Variants in DTL observed in about 807,000 individuals in gnomAD.
The protein encoded by DTL is denticleless E3 ubiquitin protein ligase adapter.
A neutral mutation model predicts 87.0 loss-of-function variants in DTL; 46 were observed. The ratio of observed to expected loss-of-function variants is 0.53; its 90% CI spans 0.42 to 0.68. DTL has a LOEUF of 0.68. Ranked by LOEUF, DTL falls within the 30% of genes least tolerant of loss-of-function variation. The pLI is 0.00. For synonymous variants in DTL, 308 were observed against 311.2 expected (o/e 0.99, Z 0.11); for missense variants, 737 against 869.4 (o/e 0.85, Z 1.91).
chr1:212,044,584 CAG>C, intron 2 of DTL, 74 bp from the exon 3 acceptor site: 1 of 868,682 alleles, frequency 1.2e-6, no homozygotes, highest in Non-Finnish European at 1.8e-6. Context: ...GTCTGGGTGA[CAG>C]AGCAAGACTC....
At chr1:212,065,694 C>CA (rs1558079762) in intron 7 of DTL, among the ~76,000 whole-genome samples, 2 of 152,148 alleles carry the variant, frequency 1.3e-5, no homozygotes, top group Non-Finnish European at 2.9e-5. Flanking sequence ...TTTCGTAATA[C>CA]AAACTACAGA....
chr1:212,077,478 T>C (rs17656453), intron 11 of DTL: 46,884 of 152,208 alleles, frequency 0.31, 8,905 homozygotes, highest in Middle Eastern at 0.43. Context: ...AACTGAAATA[T>C]AGTTTTAGAG....
At chr1:212,094,030 A>G (rs532124205) in intron 13 of DTL, among the ~76,000 whole-genome samples, 5 of 152,204 alleles carry the variant, frequency 3.3e-5, no homozygotes, top group East Asian at 3.9e-4. Flanking sequence ...GATTGTGAAG[A>G]CTTTCTCCCA....
rs948702569 is a variant in DTL at position 212,065,038 on chromosome 1, T to C, written c.639+9T>C. 39 of 1,582,706 alleles carry C rather than the reference T, an allele frequency of 2.5e-5. No homozygotes were observed. In the East Asian group the frequency reaches 8.7e-4, roughly 35 times the overall value. ...GACTTGCTCCTTCTGTGGTAAGGTTTTACAGATGTATACATGTGTGCAGAT... is the reference window on the plus strand; with the variant it reads ...GACTTGCTCCTTCTGTGGTAAGGTTCTACAGATGTATACATGTGTGCAGAT... On this transcript the variant is annotated intron_variant, in intron 7 of 14. Transcript: ENST00000366991.
chr1:212,059,582 C>G (rs1668278223), intron 5 of DTL, among the ~76,000 whole-genome samples: 1 of 152,012 alleles, frequency 6.6e-6, no homozygotes, highest in Non-Finnish European at 1.5e-5. Context: ...TCGAAAAAAG[C>G]TGGAAGCCTT....
chr1:212,068,151 C>T, intron 8 of DTL, 73 bp from the exon 9 acceptor site: 1 of 908,560 alleles, frequency 1.1e-6, no homozygotes, highest in Admixed American at 2.5e-5. Flanking sequence ...AAAGTCATTT[C>T]ACATTTAGTG....
At chr1:212,039,396 A>G (rs1419184418) in intron 1 of DTL, among the ~76,000 whole-genome samples, 2 of 152,180 alleles carry the variant, frequency 1.3e-5, no homozygotes, top group East Asian at 1.9e-4. Context: ...TTGATACCCA[A>G]AAGTTTTTAT....
At chr1:212,067,170 AGC>A (rs1326171329) in intron 8 of DTL, among the ~76,000 whole-genome samples, 2 of 152,256 alleles carry the variant, frequency 1.3e-5, no homozygotes, top group Non-Finnish European at 2.9e-5. Context: ...CTGGCTGGGT[AGC>A]TTGCTTGCCT....
chr1:212,075,594 T>C (rs2014029), intron 11 of DTL, among the ~76,000 whole-genome samples: 10,875 of 152,214 alleles, frequency 0.071, 1,120 homozygotes, highest in East Asian at 0.54. Context: ...CTTGAAGTAG[T>C]CATACTATAC....
chr1:212,081,913 T>C (rs1351160486), intron 13 of DTL, among the ~76,000 whole-genome samples: 2 of 152,078 alleles, frequency 1.3e-5, no homozygotes, highest in Non-Finnish European at 2.9e-5. Flanking sequence ...CAGGGAGGCA[T>C]TTCGATGTTT....
intron 5 of DTL, among the ~76,000 whole-genome samples, chr1:212,056,685 A>G (rs1334440577): frequency 6.6e-6 from 1 of 152,178 alleles, no homozygotes; most frequent in African/African-American, 2.4e-5. Flanking sequence ...ATGATCCAAC[A>G]TACTGATACT....
chr1:212,093,526 T>C (rs1655349599), intron 13 of DTL, among the ~76,000 whole-genome samples: 1 of 152,196 alleles, frequency 6.6e-6, no homozygotes. Flanking sequence ...GAAATGGCTT[T>C]CCCCTGGAGT....
intron 14 of DTL, 110 bp from the exon 15 acceptor site, chr1:212,102,732 A>T: frequency 1.4e-6 from 1 of 695,594 alleles, no homozygotes; most frequent in Non-Finnish European, 2.5e-6. Context: ...AGCTGAAAGC[A>T]GGCTAAACAA....
At chr1:212,082,063 T>C (rs997252876) in intron 13 of DTL, among the ~76,000 whole-genome samples, 13 of 152,246 alleles carry the variant, frequency 8.5e-5, no homozygotes, top group Middle Eastern at 3.4e-3. Context: ...CAAATACCAT[T>C]AAAGCCTACT....
chr1:212,047,441 C>T, intron 5 of DTL, 24 bp downstream of exon 5: 1 of 1,613,978 alleles, frequency 6.2e-7, no homozygotes. Flanking sequence ...TATCTTCTTT[C>T]ATCTCCTTAA....
intron 3 of DTL, 104 bp from the exon 4 acceptor site, chr1:212,047,047 T>G: frequency 2.1e-6 from 2 of 973,794 alleles, no homozygotes; most frequent in East Asian, 5.0e-5. Flanking sequence ...GATCAACTAC[T>G]GATCTTTTTA....
intron 3 of DTL, among the ~76,000 whole-genome samples, chr1:212,045,591 C>G (rs906527251): frequency 6.6e-6 from 1 of 152,024 alleles, no homozygotes; most frequent in Non-Finnish European, 1.5e-5. Flanking sequence ...AGAAAGAAAA[C>G]ACACTGGTGT....
At chr1:212,051,955 G>T (rs544363255) in intron 5 of DTL, 1 of 930,772 alleles carries the variant, frequency 1.1e-6, no homozygotes, top group Non-Finnish European at 1.7e-6. Flanking sequence ...TTTCTAAAAG[G>T]CCTAGAGAAC....
chr1:212,053,557 G>GTA (rs1668063858), intron 5 of DTL, among the ~76,000 whole-genome samples: 1 of 151,854 alleles, frequency 6.6e-6, no homozygotes, highest in African/African-American at 2.4e-5. Context: ...GATTACAAGT[G>GTA]TATATATTTT....
Sources: allele counts gnomAD v4.1 joint callset (sites outside exome capture counted in the v4.1 genomes callset), GRCh38; gene constraint gnomAD v4.1.1; transcripts MANE v1.5; gene names NCBI Gene and HGNC (gene_info 2026-07-23, HGNC 2026-07-21).